TSPAN5: variants seen among roughly 807,000 people sequenced by gnomAD.
TSPAN5 encodes the protein tetraspanin 5.
In TSPAN5, 10 loss-of-function variants were observed where a neutral mutation model predicts 37.1. The ratio of observed to expected loss-of-function variants is 0.27; its 90% CI spans 0.17 to 0.46. The LOEUF is 0.46. TSPAN5 is among the 20% of genes least tolerant of loss of function. The pLI, the probability that TSPAN5 is intolerant of heterozygous loss-of-function variation, is 1.00. For synonymous variants in TSPAN5, 110 were observed against 118.9 expected (o/e 0.93, Z 0.48); for missense variants, 195 against 326.6 (o/e 0.60, Z 3.11).
chr4:98,550,410 C>T (rs533572845), intron 1 of TSPAN5, among the ~76,000 whole-genome samples: 54 of 151,834 alleles, frequency 3.6e-4, no homozygotes, highest in Non-Finnish European at 7.1e-4. Context: ...TTTTTTAATT[C>T]TGTGAAAAAT....
At chr4:98,480,049 AC>A (rs990536047) in intron 4 of TSPAN5, among the ~76,000 whole-genome samples, 5 of 151,546 alleles carry the variant, frequency 3.3e-5, no homozygotes, top group African/African-American at 1.2e-4. Context: ...GAAGGCGGTG[AC>A]CCCCCTGGAC....
chr4:98,535,505 G>T (rs1754210180), intron 1 of TSPAN5, among the ~76,000 whole-genome samples: 1 of 152,124 alleles, frequency 6.6e-6, no homozygotes, highest in Non-Finnish European at 1.5e-5. Context: ...TGAAGATTAT[G>T]TGTCTTGGGA....
intron 2 of TSPAN5, among the ~76,000 whole-genome samples, chr4:98,495,553 G>C (rs1243611260): frequency 7.0e-6 from 1 of 142,078 alleles, no homozygotes. Context: ...AAAAAAAAAG[G>C]ACAAACCAGC....
chr4:98,519,715 G>T (rs116256193), intron 1 of TSPAN5, among the ~76,000 whole-genome samples: 29 of 152,146 alleles, frequency 1.9e-4, no homozygotes, highest in Admixed American at 5.2e-4. Flanking sequence ...AGTTTTAGGC[G>T]TTATTACCAA....
intron 1 of TSPAN5, among the ~76,000 whole-genome samples, chr4:98,522,787 G>A (rs6532740): frequency 0.21 from 32,273 of 152,098 alleles, 3,562 homozygotes; most frequent in South Asian, 0.25. Flanking sequence ...GAAGGAGGGG[G>A]GATGTCTGAA....
At chr4:98,555,963 CCACACACGCGCGCG>C (rs1754732434) in intron 1 of TSPAN5, among the ~76,000 whole-genome samples, 1 of 151,376 alleles carries the variant, frequency 6.6e-6, no homozygotes, top group African/African-American at 2.4e-5. Context: ...AAAAATCACT[CCACACACGCGCGCG>C]CACACACACG....
At chr4:98,562,452 G>A (rs1463078474) in intron 1 of TSPAN5, among the ~76,000 whole-genome samples, 1 of 152,120 alleles carries the variant, frequency 6.6e-6, no homozygotes, top group Non-Finnish European at 1.5e-5. Context: ...CACAAGGTCA[G>A]GAGATCAAGA....
chr4:98,536,195 G>C (rs899255376), intron 1 of TSPAN5, among the ~76,000 whole-genome samples: 1 of 152,148 alleles, frequency 6.6e-6, no homozygotes. Flanking sequence ...TAATGTTGGT[G>C]ACCTTCAGAT....
chr4:98,589,925 C>A (rs938722520), intron 1 of TSPAN5, among the ~76,000 whole-genome samples: 3 of 152,174 alleles, frequency 2.0e-5, no homozygotes, highest in African/African-American at 7.2e-5. Flanking sequence ...TTCAATAGCA[C>A]TTCTAGCTCT....
intron 1 of TSPAN5, among the ~76,000 whole-genome samples, chr4:98,582,418 T>G (rs1919215): frequency 0.77 from 116,327 of 151,620 alleles, 45,025 homozygotes; most frequent in African/African-American, 0.87. Flanking sequence ...CACACAAAAC[T>G]GCAAGGAAAA....
chr4:98,625,746 G>T (rs1756584667), intron 1 of TSPAN5, among the ~76,000 whole-genome samples: 1 of 152,002 alleles, frequency 6.6e-6, no homozygotes. Flanking sequence ...CCTATTAGTA[G>T]CATTTATTCA....
intron 1 of TSPAN5, among the ~76,000 whole-genome samples, chr4:98,653,943 T>C (rs1757245002): frequency 6.6e-6 from 1 of 152,214 alleles, no homozygotes; most frequent in African/African-American, 2.4e-5. Flanking sequence ...GCATGAGTGC[T>C]CTAACCAATG....
chr4:98,568,359 G>A (rs987438227), intron 1 of TSPAN5, among the ~76,000 whole-genome samples: 3 of 152,164 alleles, frequency 2.0e-5, no homozygotes, highest in Admixed American at 2.0e-4. Flanking sequence ...TGGCTAGCAA[G>A]GTGAAACCCT....
At chr4:98,549,942 C>G (rs867591225) in intron 1 of TSPAN5, among the ~76,000 whole-genome samples, 1 of 151,912 alleles carries the variant, frequency 6.6e-6, no homozygotes, top group Admixed American at 6.6e-5. Context: ...GTTTTAAGGA[C>G]TTGGTCATAA....
chr4:98,612,109 C>T (rs965899405), intron 1 of TSPAN5, among the ~76,000 whole-genome samples: 10 of 152,224 alleles, frequency 6.6e-5, no homozygotes, highest in Admixed American at 2.0e-4. Flanking sequence ...AGAATTCCCT[C>T]GCTGGAAACT....
At chr4:98,617,651 A>C (rs1241962871) in intron 1 of TSPAN5, among the ~76,000 whole-genome samples, 1 of 152,156 alleles carries the variant, frequency 6.6e-6, no homozygotes. Flanking sequence ...CCCCTTCTAA[A>C]ATAGGCCAAC....
intron 1 of TSPAN5, among the ~76,000 whole-genome samples, chr4:98,520,962 C>T (rs111357449): frequency 5.1e-4 from 77 of 152,080 alleles, no homozygotes; most frequent in African/African-American, 1.5e-3. Context: ...GATAGAGTCT[C>T]GCTCTGTCGC....
intron 2 of TSPAN5, among the ~76,000 whole-genome samples, chr4:98,490,137 C>T (rs1753053663): frequency 6.6e-6 from 1 of 152,092 alleles, no homozygotes; most frequent in Non-Finnish European, 1.5e-5. Context: ...AGTTGCGGCT[C>T]ACAAGTCTGA....
rs879876750 is a variant in TSPAN5 at position 98,503,668 on chromosome 4, GCATT to G, written c.132+4006_132+4009del. ...TTAAACATATATACACCCCTAAGTA[GCATT>G]TATTGCAGTGTATTATTTTAGGTAT... On this transcript the variant is annotated intron_variant, in intron 2 of 7. Transcript: ENST00000305798. 7.4e-4 allele frequency among the ~76,000 whole-genome samples: 112 copies of G among 152,300 alleles called. 1 individual carries two copies. The highest frequency in any genetic ancestry group is 1.9e-4 in the East Asian group (1 of 5,186).
Sources: allele counts gnomAD v4.1 joint callset (sites outside exome capture counted in the v4.1 genomes callset), GRCh38; gene constraint gnomAD v4.1.1; transcripts MANE v1.5; gene names NCBI Gene and HGNC (gene_info 2026-07-23, HGNC 2026-07-21).